The following ANK1 variants were observed in gnomAD, a reference collection of about 807,000 sequenced individuals.
ANK1 encodes ankyrin-1.
A neutral mutation model predicts 210.4 loss-of-function variants in ANK1; 51 were observed. The ratio of observed to expected loss-of-function variants is 0.24; its 90% CI spans 0.19 to 0.31. ANK1 has a LOEUF of 0.31. Ranked by LOEUF, ANK1 falls within the 10% of genes least tolerant of loss-of-function variation. The probability of loss-of-function intolerance (pLI) is 1.00; values close to 1 mark genes in which losing one functional copy is unlikely to be tolerated. For missense variants in ANK1, 2,051 were observed against 2,504.4 expected (o/e 0.82, Z 3.86); for synonymous variants, 967 against 1,025.9 (o/e 0.94, Z 1.10).
rs542213483 is a variant in ANK1, at chr8:41,686,554, C to T, written c.4259-271G>A. Reference sequence around the variant, plus strand: ...CCTGAATGAATGAATGATCAAATGTCCTTTCTTCCTTTCGTAACTTCCAAT... The same window carrying T: ...CCTGAATGAATGAATGATCAAATGTTCTTTCTTCCTTTCGTAACTTCCAAT... On this transcript the variant is annotated intron_variant, in intron 35 of 42. Coordinates refer to ENST00000289734, the MANE Select transcript of ANK1 (RefSeq NM_000037.4). 2.6e-5 allele frequency among the ~76,000 whole-genome samples: 4 copies of T among 152,314 alleles called. No individual in the cohort carries two copies. In the East Asian group the frequency reaches 7.7e-4, roughly 29 times the overall value.
At chr8:41,757,477 T>A (rs1184146983) in intron 2 of ANK1, among the ~76,000 whole-genome samples, 1 of 152,136 alleles carries the variant, frequency 6.6e-6, no homozygotes, top group Non-Finnish European at 1.5e-5. Flanking sequence ...CCCAAACACA[T>A]TTTGTTTCCT....
intron 20 of ANK1, among the ~76,000 whole-genome samples, chr8:41,703,295 T>C (rs985312076): frequency 6.6e-6 from 1 of 151,616 alleles, no homozygotes; most frequent in African/African-American, 2.4e-5. Context: ...TTAATTATGT[T>C]CAGTTGTACC....
At chr8:41,659,234 C>T (rs1442766575) in intron 42 of ANK1, among the ~76,000 whole-genome samples, 6 of 152,236 alleles carry the variant, frequency 3.9e-5, no homozygotes, top group Non-Finnish European at 8.8e-5. Flanking sequence ...CACTTCAGCA[C>T]TGCCCTCAGG....
At chr8:41,884,073 G>C (rs1818037863) in intron 1 of ANK1, among the ~76,000 whole-genome samples, 1 of 152,168 alleles carries the variant, frequency 6.6e-6, no homozygotes, top group Non-Finnish European at 1.5e-5. Flanking sequence ...CACTACGGCT[G>C]AGCGCAGTGG....
chr8:41,866,461 T>C (rs554694587), intron 1 of ANK1, among the ~76,000 whole-genome samples: 2 of 152,236 alleles, frequency 1.3e-5, no homozygotes, highest in Non-Finnish European at 1.5e-5. Flanking sequence ...CCCAAAGTGC[T>C]GAGATGACAG....
chr8:41,825,192 C>T (rs867870945), intron 1 of ANK1, among the ~76,000 whole-genome samples: 16 of 152,234 alleles, frequency 1.1e-4, no homozygotes, highest in Non-Finnish European at 1.2e-4. Context: ...CCGACTAGGA[C>T]ATTTTTGCTC....
chr8:41,782,578 C>G (rs193263989), intron 1 of ANK1, among the ~76,000 whole-genome samples: 2 of 152,190 alleles, frequency 1.3e-5, no homozygotes, highest in African/African-American at 2.4e-5. Context: ...CCTCCGTGCC[C>G]CCAGGTAATT....
intron 1 of ANK1, among the ~76,000 whole-genome samples, chr8:41,847,896 C>T (rs1354327578): frequency 6.6e-6 from 1 of 152,128 alleles, no homozygotes; most frequent in African/African-American, 2.4e-5. Flanking sequence ...GGGCCAGGCG[C>T]AGTGGCTCAC....
intron 37 of ANK1, among the ~76,000 whole-genome samples, chr8:41,675,375 G>C (rs1397332492): frequency 6.6e-6 from 1 of 152,162 alleles, no homozygotes; most frequent in African/African-American, 2.4e-5. Flanking sequence ...GGGATTACAG[G>C]GTTGAGTCAC....
At chr8:41,750,229 C>G (rs935943390) in intron 2 of ANK1, among the ~76,000 whole-genome samples, 3 of 152,206 alleles carry the variant, frequency 2.0e-5, no homozygotes, top group Non-Finnish European at 2.9e-5. Context: ...AACATTAGGG[C>G]TTCCTAATGC....
rs575937872 is a variant in ANK1, at chr8:41,877,908, C to T, written c.126+18447G>A. On this transcript the variant is annotated intron_variant, in intron 1 of 42. Coordinates refer to the ANK1 transcript ENST00000265709. The stretch of plus-strand genomic sequence containing the variant: ...ACGTGCCTGAGGAACAGAGCTAAGG[C>T]GAGTAGGGCTGTGGCCGTGTGAGGG... Among the ~76,000 whole-genome samples the T allele has an allele frequency of 7.2e-5, 11 of 152,214 alleles. No individual in the cohort carries two copies. In the East Asian group the frequency reaches 1.7e-3, roughly 24 times the overall value.
chr8:41,736,588 AGCCTT>A (rs1833479016), intron 2 of ANK1, among the ~76,000 whole-genome samples: 1 of 152,228 alleles, frequency 6.6e-6, no homozygotes, highest in Admixed American at 6.5e-5. Context: ...AGTGGCAGCC[AGCCTT>A]GCCTCGGTGC....
At chr8:41,714,130 C>A (rs2150631728) in intron 16 of ANK1, 26 bp downstream of exon 16, 1 of 1,321,812 alleles carries the variant, frequency 7.6e-7, no homozygotes, top group Non-Finnish European at 9.8e-7. Flanking sequence ...TCTCCAGGGG[C>A]AGCTGGGGAG....
At chr8:41,731,717 C>T (rs1003595941) in intron 3 of ANK1, among the ~76,000 whole-genome samples, 3 of 152,022 alleles carry the variant, frequency 2.0e-5, no homozygotes, top group Non-Finnish European at 4.4e-5. Flanking sequence ...GCCACGTTGG[C>T]TTAGAAAATT....
At chr8:41,678,032 T>C (rs1466608581) in intron 37 of ANK1, among the ~76,000 whole-genome samples, 1 of 152,242 alleles carries the variant, frequency 6.6e-6, no homozygotes, top group Non-Finnish European at 1.5e-5. Flanking sequence ...TAATGTGCCC[T>C]GATAGAGTTG....
intron 1 of ANK1, among the ~76,000 whole-genome samples, chr8:41,840,830 G>T (rs1353814143): frequency 1.3e-5 from 2 of 152,192 alleles, no homozygotes; most frequent in Non-Finnish European, 2.9e-5. Flanking sequence ...AGAAAAGAGT[G>T]GCCCGCTTGA....
chr8:41,857,138 C>A (rs533229929), intron 1 of ANK1, among the ~76,000 whole-genome samples: 15 of 151,672 alleles, frequency 9.9e-5, no homozygotes, highest in African/African-American at 2.9e-4. Flanking sequence ...CCTCAGCCTC[C>A]TAAAGTGCTG....
chr8:41,794,262 C>G (rs1388492438), intron 1 of ANK1, among the ~76,000 whole-genome samples: 1 of 152,188 alleles, frequency 6.6e-6, no homozygotes, highest in Non-Finnish European at 1.5e-5. Context: ...TCTCTCTGAC[C>G]TCACCTCCTC....
chr8:41,762,383 G>A (rs1424589082), intron 1 of ANK1, among the ~76,000 whole-genome samples: 3 of 151,568 alleles, frequency 2.0e-5, no homozygotes, highest in Non-Finnish European at 4.4e-5. Context: ...TTTTTTTAAT[G>A]CACTTAAAAT....
Sources: gnomAD v4.1 joint callset for allele counts (sites outside exome capture counted in the v4.1 genomes callset) on GRCh38, gnomAD v4.1.1 for gene constraint, MANE v1.5 for transcripts, NCBI Gene and HGNC (gene_info 2026-07-23, HGNC 2026-07-21) for gene names.